The following KCNIP4 variants were observed in gnomAD, a reference collection of about 807,000 sequenced individuals.
KCNIP4 encodes potassium voltage-gated channel interacting protein 4, also known as Kv channel-interacting protein 4.
In KCNIP4, 12 loss-of-function variants were observed where a neutral mutation model predicts 34.0. The ratio of observed to expected loss-of-function variants is 0.35; its 90% CI spans 0.23 to 0.57. The LOEUF is 0.57. KCNIP4 is among the 20% of genes least tolerant of loss of function. The pLI is 0.83. For synonymous variants in KCNIP4, 124 were observed against 102.2 expected (o/e 1.21, Z -1.29); for missense variants, 238 against 311.7 (o/e 0.76, Z 1.78).
intron 1 of KCNIP4, among the ~76,000 whole-genome samples, chr4:21,552,700 A>G (rs1738678826): frequency 6.6e-6 from 1 of 152,094 alleles, no homozygotes; most frequent in African/African-American, 2.4e-5. Context: ...GTCACAGCAA[A>G]GCATATTTTT....
intron 1 of KCNIP4, among the ~76,000 whole-genome samples, chr4:21,307,393 T>C (rs1235753302): frequency 6.6e-6 from 1 of 152,162 alleles, no homozygotes; most frequent in Non-Finnish European, 1.5e-5. Context: ...CTAACTGTAC[T>C]ATATAGAAAA....
chr4:21,697,614 C>A, intron 1 of KCNIP4: 1 of 1,349,178 alleles, frequency 7.4e-7, no homozygotes, highest in Non-Finnish European at 9.4e-7. Context: ...CTTTAAAATG[C>A]TAGAGAAGCC....
chr4:21,600,849 T>A (rs1463407605), intron 1 of KCNIP4, among the ~76,000 whole-genome samples: 1 of 152,052 alleles, frequency 6.6e-6, no homozygotes, highest in Non-Finnish European at 1.5e-5. Context: ...AAAATTGGAT[T>A]TCCAGCCTTG....
chr4:20,868,021 TAATAA>T (rs1267092897), intron 2 of KCNIP4, among the ~76,000 whole-genome samples: 27 of 100,194 alleles, frequency 2.7e-4, no homozygotes, highest in Admixed American at 2.3e-3. Flanking sequence ...AGTATAATAA[TAATAA>T]AAAAAAGAAG....
At chr4:21,612,216 A>G (rs1385932216) in intron 1 of KCNIP4, among the ~76,000 whole-genome samples, 2 of 152,226 alleles carry the variant, frequency 1.3e-5, no homozygotes, top group Non-Finnish European at 2.9e-5. Flanking sequence ...GTCAGAATAC[A>G]GCATCACTGA....
intron 1 of KCNIP4, among the ~76,000 whole-genome samples, chr4:21,697,074 C>A (rs1009352267): frequency 2.0e-5 from 3 of 151,772 alleles, no homozygotes; most frequent in Non-Finnish European, 4.4e-5. Flanking sequence ...AAAAAAAAAT[C>A]TTTCTACTCT....
At chr4:20,846,825 A>T (rs1010972182) in intron 3 of KCNIP4, among the ~76,000 whole-genome samples, 1 of 152,104 alleles carries the variant, frequency 6.6e-6, no homozygotes, top group Non-Finnish European at 1.5e-5. Flanking sequence ...ATGGTTCTCA[A>T]TCTTGCCTAC....
chr4:20,758,803 G>C lies in KCNIP4; in HGVS notation c.358+18C>G, dbSNP rs766242802. 8.8e-6 allele frequency: 14 copies of C among 1,592,894 alleles called. No individual in the cohort carries two copies. Among genetic ancestry groups the C allele is most frequent in the Non-Finnish European group, 1.2e-5 (14 of 1,161,726 alleles). ...TGTAACTCTGATAGTATGTTAACAA[G>C]TCCACATTTGTACTTACCTCCCTGT... is the stretch of plus-strand genomic sequence containing the variant. On this transcript the variant is annotated intron_variant, in intron 4 of 8. Coordinates refer to ENST00000382152, the MANE Select transcript of KCNIP4 (RefSeq NM_025221.6).
Position 20,730,017 on chromosome 4 carries a change from C to T in KCNIP4, c.*65G>A. 2 of 1,537,774 alleles carry T rather than the reference C, an allele frequency of 1.3e-6. No individual in the cohort carries two copies. Among genetic ancestry groups the T allele is most frequent in the Non-Finnish European group, 1.7e-6 (2 of 1,143,574 alleles). On this transcript the variant is annotated 3_prime_UTR_variant, in exon 9 of 9. Transcript: ENST00000382152. ...GAGCAATCTATGCTAAAAGTGGTAG[C>T]TCCAACTTTAAGGGTGGTAGAATAG...
chr4:20,771,355 A>T (rs1234210498), intron 3 of KCNIP4, among the ~76,000 whole-genome samples: 3 of 152,144 alleles, frequency 2.0e-5, no homozygotes, highest in Non-Finnish European at 4.4e-5. Context: ...TGGACTCCTT[A>T]TGTGAGATTA....
At chr4:20,918,854 C>A (rs920062631) in intron 1 of KCNIP4, among the ~76,000 whole-genome samples, 1 of 152,078 alleles carries the variant, frequency 6.6e-6, no homozygotes, top group Non-Finnish European at 1.5e-5. Flanking sequence ...TTAGGAAAAC[C>A]AAATCTGTGA....
rs145343660 is a variant in KCNIP4, at chr4:21,051,943, A to G, written c.62-169234T>C. On this transcript the variant is annotated intron_variant, in intron 1 of 8. Coordinates refer to ENST00000382152, the MANE Select transcript of KCNIP4 (RefSeq NM_025221.6). ...GGAAAATTGACTCTGGCACAAGTTCAGGAGCATTTTAGATTAGCAAAGTAG... is the reference window on the plus strand; with the variant it reads ...GGAAAATTGACTCTGGCACAAGTTCGGGAGCATTTTAGATTAGCAAAGTAG... Among the ~76,000 whole-genome samples, 1,393 of 152,338 alleles carry G rather than the reference A, an allele frequency of 9.1e-3. 16 individuals carry two copies. The highest frequency in any genetic ancestry group is 0.029 in the African/African-American group (1,204 of 41,584).
At chr4:21,928,582 C>T (rs1729396991) in intron 1 of KCNIP4, among the ~76,000 whole-genome samples, 1 of 151,948 alleles carries the variant, frequency 6.6e-6, no homozygotes, top group Admixed American at 6.6e-5. Context: ...ATTTTAGAAG[C>T]TAGTTGGTGT....
At chr4:21,171,640 AC>A (rs1459276791) in intron 1 of KCNIP4, among the ~76,000 whole-genome samples, 1 of 152,172 alleles carries the variant, frequency 6.6e-6, no homozygotes, top group African/African-American at 2.4e-5. Context: ...ATTTGGGAAC[AC>A]CTGGATTTGA....
At chr4:21,569,036 C>T (rs536908477) in intron 1 of KCNIP4, among the ~76,000 whole-genome samples, 13 of 151,842 alleles carry the variant, frequency 8.6e-5, no homozygotes, top group African/African-American at 2.4e-4. Context: ...GCATTCAGAG[C>T]GAATCAACCC....
intron 1 of KCNIP4, among the ~76,000 whole-genome samples, chr4:21,327,405 C>T (rs972877401): frequency 9.2e-5 from 14 of 152,136 alleles, no homozygotes; most frequent in Admixed American, 8.5e-4. Flanking sequence ...ACTGAGAAGT[C>T]TGATGCCATA....
chr4:21,336,003 A>AT (rs937871954), intron 1 of KCNIP4, among the ~76,000 whole-genome samples: 7 of 152,032 alleles, frequency 4.6e-5, no homozygotes, highest in Admixed American at 2.6e-4. Flanking sequence ...ATATATTTAT[A>AT]TTTTTTTGCA....
intron 1 of KCNIP4, among the ~76,000 whole-genome samples, chr4:21,358,340 C>T (rs1718873321): frequency 6.6e-6 from 1 of 151,736 alleles, no homozygotes; most frequent in African/African-American, 2.4e-5. Flanking sequence ...AAATCCTAAA[C>T]AAAAATAAAA....
intron 1 of KCNIP4, among the ~76,000 whole-genome samples, chr4:21,174,039 T>G (rs543025143): frequency 6.6e-6 from 1 of 152,260 alleles, no homozygotes; most frequent in Admixed American, 6.5e-5. Flanking sequence ...TGTTTTTAAG[T>G]GCTCACGTGA....
Sources: allele counts gnomAD v4.1 joint callset (sites outside exome capture counted in the v4.1 genomes callset), GRCh38; gene constraint gnomAD v4.1.1; transcripts MANE v1.5; gene names NCBI Gene and HGNC (gene_info 2026-07-23, HGNC 2026-07-21).